Variants in SATB2 observed in about 807,000 individuals in gnomAD.
SATB2 encodes the protein DNA-binding protein SATB2.
SATB2 carries 1 observed loss-of-function variant against 73.4 expected under a neutral mutation model. That is an observed-to-expected ratio of 0.01 (90% CI 0.00 to 0.06). The LOEUF is 0.06. Among genes scored for constraint, SATB2 ranks in the 10% least tolerant of loss-of-function variants. The pLI is 1.00. For missense variants in SATB2, 459 were observed against 945.8 expected, an observed-to-expected ratio of 0.49 and a Z score of 6.75; for synonymous variants, 397 against 367.0, an observed-to-expected ratio of 1.08 and a Z score of -0.93.
intron 7 of SATB2, among the ~76,000 whole-genome samples, chr2:199,346,437 C>T (rs1688653808): frequency 6.6e-6 from 1 of 152,064 alleles, no homozygotes; most frequent in African/African-American, 2.4e-5. Context: ...CGTGAGCCAC[C>T]GCACCCAGCA....
intron 7 of SATB2, among the ~76,000 whole-genome samples, chr2:199,345,617 G>C (rs1255342291): frequency 6.6e-6 from 1 of 152,096 alleles, no homozygotes; most frequent in African/African-American, 2.4e-5. Context: ...CCTGGTGTCA[G>C]TTCTATTCCT....
chr2:199,281,790 G>A (rs1305551623), intron 10 of SATB2, among the ~76,000 whole-genome samples: 1 of 151,928 alleles, frequency 6.6e-6, no homozygotes, highest in Non-Finnish European at 1.5e-5. Context: ...GTCACTGTTG[G>A]ACTGTGAGCT....
At chr2:199,409,167 C>CTTTTTTTTTTTTTTTTTT (rs67330007) in intron 3 of SATB2, among the ~76,000 whole-genome samples, 5 of 115,236 alleles carry the variant, frequency 4.3e-5, no homozygotes, top group South Asian at 2.9e-4. Context: ...TTTTTCTTTT[C>CTTTTTTTTTTTTTTTTTT]TTTTTTTTTT....
intron 8 of SATB2, chr2:199,326,099 T>C (rs1202200570): frequency 6.6e-6 from 1 of 152,124 alleles, no homozygotes; most frequent in East Asian, 1.9e-4. Context: ...GCTGAGTCAG[T>C]GAGTACTCCT....
chr2:199,294,611 C>T (rs1692969408), intron 10 of SATB2, among the ~76,000 whole-genome samples: 1 of 152,190 alleles, frequency 6.6e-6, no homozygotes, highest in Non-Finnish European at 1.5e-5. Flanking sequence ...AATTACACCA[C>T]ATGGAAATAT....
At chr2:199,303,299 T>A (rs566198583) in intron 10 of SATB2, among the ~76,000 whole-genome samples, 1 of 152,148 alleles carries the variant, frequency 6.6e-6, no homozygotes, top group Non-Finnish European at 1.5e-5. Context: ...AGATAAGACA[T>A]GTGAAAATCT....
chr2:199,377,049 C>T lies in SATB2; in HGVS notation c.597+3315G>A, dbSNP rs75591199. Among the ~76,000 whole-genome samples, 796 of 152,308 alleles carry T rather than the reference C, an allele frequency of 5.2e-3. 4 individuals carry two copies. The highest frequency in any genetic ancestry group is 0.018 in the African/African-American group (750 of 41,560). On this transcript the variant is annotated intron_variant, in intron 5 of 10. Coordinates refer to ENST00000417098, the MANE Select transcript of SATB2 (RefSeq NM_001172509.2). ...GGAGAGAAGGAGATTACTAACTTAA[C>T]AGGCAAAATGATTTTATGCCATTTT... is the stretch of plus-strand genomic sequence containing the variant.
chr2:199,393,214 C>G (rs1690200359), intron 3 of SATB2, among the ~76,000 whole-genome samples: 1 of 152,118 alleles, frequency 6.6e-6, no homozygotes, highest in Non-Finnish European at 1.5e-5. Context: ...CCACAGATAA[C>G]ACGGTGCCTG....
In SATB2 at chr2:199,363,149, G is replaced by A. The variant is rs180922870; in HGVS notation, c.700+5456C>T. ...GCTGAGTGCTCAAGACATTCCCCAC[G>A]CACCATTTTTCCACTTAAACTACCA... On this transcript the variant is annotated intron_variant, in intron 6 of 10. Transcript: ENST00000417098. Among the ~76,000 whole-genome samples, 27 of 152,204 alleles carry A rather than the reference G, an allele frequency of 1.8e-4. No individual in the cohort carries two copies. The South Asian group carries it at 2.1e-3, about 12-fold the overall frequency.
At position 199,296,220 on chromosome 2, in the gene SATB2, T is replaced by G. The variant is rs1034056017; in HGVS notation, c.1740+12540A>C. ...GCTAATTTGTTTTTCCAAAATGCATTTGAACCTCCCAGGAGCAATGTGTTT... is the reference window on the plus strand; with the variant it reads ...GCTAATTTGTTTTTCCAAAATGCATGTGAACCTCCCAGGAGCAATGTGTTT... On this transcript the variant is annotated intron_variant, in intron 10 of 10. Transcript: ENST00000417098. Among the ~76,000 whole-genome samples the G allele has an allele frequency of 2.1e-4, 32 of 152,354 alleles. No individual in the cohort carries two copies. In the East Asian group the frequency reaches 2.7e-3, roughly 13 times the overall value.
intron 10 of SATB2, among the ~76,000 whole-genome samples, chr2:199,303,551 T>G (rs1687344412): frequency 6.6e-6 from 1 of 152,180 alleles, no homozygotes. Flanking sequence ...GTAGATCACA[T>G]AAGTCTTTGT....
chr2:199,347,213 G>A (rs565092678), intron 7 of SATB2: 6 of 152,160 alleles, frequency 3.9e-5, no homozygotes, highest in Admixed American at 3.9e-4. Context: ...AAACATTCCT[G>A]TATTTTCCAA....
Position 199,315,268 on chromosome 2 carries a change from T to C in SATB2, c.1543-6311A>G, listed in dbSNP as rs571802318. On this transcript the variant is annotated intron_variant, in intron 9 of 10. Coordinates refer to ENST00000417098, the MANE Select transcript of SATB2 (RefSeq NM_001172509.2). ...TGAAAATGAATGAGGTATGGCAATA[T>C]CTATTTCACTTATAAAATATTTTAA... Among the ~76,000 whole-genome samples, 3 of 152,196 alleles carry C rather than the reference T, an allele frequency of 2.0e-5. No individual in the cohort carries two copies. In the East Asian group the frequency reaches 5.8e-4, roughly 29 times the overall value.
intron 6 of SATB2, among the ~76,000 whole-genome samples, chr2:199,355,569 G>A (rs1173491658): frequency 6.6e-6 from 1 of 151,974 alleles, no homozygotes; most frequent in Non-Finnish European, 1.5e-5. Flanking sequence ...TAGCAAGGTG[G>A]CATAGGAAAG....
chr2:199,439,590 G>A (rs1449343976), intron 2 of SATB2, among the ~76,000 whole-genome samples: 1 of 152,104 alleles, frequency 6.6e-6, no homozygotes, highest in African/African-American at 2.4e-5. Context: ...GTCTTCAAGA[G>A]GACAGAGAGA....
intron 2 of SATB2, among the ~76,000 whole-genome samples, chr2:199,454,092 A>C (rs1692205856): frequency 6.6e-6 from 1 of 152,110 alleles, no homozygotes; most frequent in African/African-American, 2.4e-5. Context: ...GAAAATTTGA[A>C]AACCAACCAC....
Position 199,455,145 on chromosome 2 carries a change from G to C in SATB2, c.169+724C>G, listed in dbSNP as rs948867643. 2.0e-5 allele frequency among the ~76,000 whole-genome samples: 3 copies of C among 152,164 alleles called. No homozygotes were observed. The highest frequency in any genetic ancestry group is 2.0e-4 in the Admixed American group (3 of 15,284). On this transcript the variant is annotated intron_variant, in intron 2 of 10. Coordinates refer to ENST00000417098, the MANE Select transcript of SATB2 (RefSeq NM_001172509.2). This position sits in a 1 kb window ranked among gnomAD's most constrained non-coding sequence, Gnocchi z 4.1. The stretch of plus-strand genomic sequence containing the variant: ...TTCCTGACCACTTTAAAAGAAAGTA[G>C]TTGCTTAAGTAGTAAAAACTACAAA...
At chr2:199,465,369 G>A (rs2105969358), upstream of SATB2, among the ~76,000 whole-genome samples, 1 of 152,296 alleles carries the variant, frequency 6.6e-6, no homozygotes, top group East Asian at 1.9e-4. Context: ...CTGTCCCGTT[G>A]GATATGACAG....
chr2:199,275,584 G>A (rs191060362), intron 10 of SATB2, among the ~76,000 whole-genome samples: 21 of 152,250 alleles, frequency 1.4e-4, no homozygotes, highest in Admixed American at 1.2e-3. Flanking sequence ...GGAGTTGTCA[G>A]TCTGATAAAG....
Sources: gnomAD v4.1 joint callset for allele counts (sites outside exome capture counted in the v4.1 genomes callset) on GRCh38, gnomAD v4.1.1 for gene constraint, Gnocchi (gnomAD v3.1) non-coding constraint, MANE v1.5 for transcripts, NCBI Gene and HGNC (gene_info 2026-07-23, HGNC 2026-07-21) for gene names.